DISP1: variants seen among roughly 807,000 people sequenced by gnomAD.
DISP1 encodes dispatched RND transporter family member 1.
Under a neutral mutation model 37.3 loss-of-function variants are expected in DISP1, and 30 were observed. The ratio of observed to expected loss-of-function variants is 0.80; its 90% confidence interval spans 0.60 to 1.09. The LOEUF (loss-of-function observed/expected upper bound fraction) is 1.09, where lower values mean the gene tolerates loss of function less well. Ranked by LOEUF, DISP1 falls within the 50% of genes least tolerant of loss-of-function variation. DISP1 has a pLI of 0.00. For missense variants in DISP1, 1,598 were observed against 1,879.5 expected, an observed-to-expected ratio of 0.85 and a Z score of 2.77; for synonymous variants, 634 against 690.2, an observed-to-expected ratio of 0.92 and a Z score of 1.28.
intron 1 of DISP1, among the ~76,000 whole-genome samples, chr1:222,907,930 C>T (rs536413557): frequency 5.9e-5 from 9 of 152,196 alleles, no homozygotes; most frequent in African/African-American, 2.2e-4. Flanking sequence ...GCTTGGGCAA[C>T]AGAGCAAGAC....
intron 3 of DISP1, 55 bp from the exon 4 acceptor site, chr1:222,983,025 G>C: frequency 7.6e-7 from 1 of 1,307,410 alleles, no homozygotes; most frequent in Non-Finnish European, 1.1e-6. Flanking sequence ...TTTATGTTAT[G>C]ATGTTTATGA....
intron 8 of DISP1, among the ~76,000 whole-genome samples, chr1:222,997,386 TC>T (rs1679150861): frequency 6.6e-6 from 1 of 152,130 alleles, no homozygotes; most frequent in South Asian, 2.1e-4. Context: ...GCCCAGCTTT[TC>T]CTCCTGCTAA....
intron 1 of DISP1, among the ~76,000 whole-genome samples, chr1:222,868,977 A>G (rs1669362087): frequency 6.6e-6 from 1 of 152,214 alleles, no homozygotes; most frequent in African/African-American, 2.4e-5. Flanking sequence ...TATTGTTTCC[A>G]TGCAAAAACA....
At chr1:222,965,199 A>G (rs1676385702) in intron 3 of DISP1, among the ~76,000 whole-genome samples, 1 of 152,118 alleles carries the variant, frequency 6.6e-6, no homozygotes, top group East Asian at 1.9e-4. Context: ...CTCTTTAACT[A>G]TGTGGCTTTG....
intron 1 of DISP1, among the ~76,000 whole-genome samples, chr1:222,869,136 G>A (rs1036795374): frequency 2.6e-5 from 4 of 152,152 alleles, no homozygotes; most frequent in African/African-American, 7.2e-5. Flanking sequence ...AGGCTCTTGA[G>A]CCTTCAATAA....
chr1:222,896,875 T>C (rs1248812779), intron 1 of DISP1, among the ~76,000 whole-genome samples: 3 of 152,162 alleles, frequency 2.0e-5, no homozygotes, highest in African/African-American at 7.2e-5. Flanking sequence ...CCAGAATGGC[T>C]AAAATGAAAA....
intron 1 of DISP1, among the ~76,000 whole-genome samples, chr1:222,821,226 GT>G (rs1662805329): frequency 6.6e-6 from 1 of 152,194 alleles, no homozygotes; most frequent in Non-Finnish European, 1.5e-5. Context: ...TTCAGATGGG[GT>G]TGGGAAGAGG....
At chr1:222,938,760 A>AAAGGAAGGAAGG (rs71564727) in intron 2 of DISP1, among the ~76,000 whole-genome samples, 18 of 104,604 alleles carry the variant, frequency 1.7e-4, no homozygotes, top group South Asian at 1.5e-3. Flanking sequence ...AAAAAAAAAA[A>AAAGGAAGGAAGG]AAGGAAGGAA....
chr1:222,852,550 T>C lies in DISP1; in HGVS notation c.-159+37472T>C, dbSNP rs1341254619. On this transcript the variant is annotated intron_variant, in intron 1 of 8. Transcript: ENST00000675850. ...CTAAAATCATCATTCACATGAATCATCATGACAGCCTGAAAAATGTAGAAC... is the reference window on the plus strand; with the variant it reads ...CTAAAATCATCATTCACATGAATCACCATGACAGCCTGAAAAATGTAGAAC... Among the ~76,000 whole-genome samples, 5 of 152,124 alleles carry C rather than the reference T, an allele frequency of 3.3e-5. No individual in the cohort carries two copies. In the South Asian group the frequency reaches 8.3e-4, roughly 25 times the overall value.
intron 3 of DISP1, among the ~76,000 whole-genome samples, chr1:222,944,163 T>G (rs921157247): frequency 6.6e-6 from 1 of 152,206 alleles, no homozygotes. Context: ...AAAGTAGCAA[T>G]TCCCTTCATA....
chr1:222,861,762 A>G (rs767301827), intron 1 of DISP1, among the ~76,000 whole-genome samples: 10 of 152,334 alleles, frequency 6.6e-5, no homozygotes, highest in Middle Eastern at 3.4e-3. Flanking sequence ...AGCAAGTTAT[A>G]CTTTTTTTCT....
chr1:222,839,373 A>G (rs1184152054), intron 1 of DISP1, among the ~76,000 whole-genome samples: 2 of 152,152 alleles, frequency 1.3e-5, no homozygotes, highest in Admixed American at 6.5e-5. Context: ...CTGTGGAAAA[A>G]TTGTTTTCCA....
At chr1:222,936,770 A>ATATATCATATATATGATATATATAAATTT (rs1558339672) in intron 2 of DISP1, among the ~76,000 whole-genome samples, 1 of 61,470 alleles carries the variant, frequency 1.6e-5, no homozygotes, top group Non-Finnish European at 3.4e-5. Context: ...TATAAAAATT[A>ATATATCATATATATGATATATATAAATTT]TATATATCAT....
rs530119696 is a variant in DISP1 at position 222,952,804 on chromosome 1, G to A, written c.509+9472G>A. On this transcript the variant is annotated intron_variant, in intron 3 of 8. Transcript: ENST00000675850. ...GGTGGTTGCAGTGAGCCGAGATCGC[G>A]CCACTGCACTCCAGCCTGGCGACAG... 4.5e-3 allele frequency among the ~76,000 whole-genome samples: 678 copies of A among 152,232 alleles called. 5 individuals carry two copies. Among genetic ancestry groups the A allele is most frequent in the African/African-American group, 0.015 (623 of 41,530 alleles).
intron 3 of DISP1, among the ~76,000 whole-genome samples, chr1:222,969,455 C>T (rs529847080): frequency 1.3e-5 from 2 of 149,382 alleles, no homozygotes; most frequent in South Asian, 4.3e-4. Context: ...TTGAAAAATA[C>T]CACAAACTAG....
At chr1:222,825,155 G>T (rs1664015809) in intron 1 of DISP1, among the ~76,000 whole-genome samples, 1 of 150,196 alleles carries the variant, frequency 6.7e-6, no homozygotes, top group South Asian at 2.1e-4. Context: ...GGAATGTGGG[G>T]GGGCAGTGGT....
chr1:222,975,156 G>A (rs1166136302), intron 3 of DISP1, among the ~76,000 whole-genome samples: 1 of 151,872 alleles, frequency 6.6e-6, no homozygotes, highest in Admixed American at 6.6e-5. Context: ...CTCCTGAGTA[G>A]CTGGGACTAC....
At chr1:222,847,069 G>T (rs1019393017) in intron 1 of DISP1, among the ~76,000 whole-genome samples, 1 of 152,062 alleles carries the variant, frequency 6.6e-6, no homozygotes, top group Non-Finnish European at 1.5e-5. Context: ...AGGATATTCT[G>T]TCGGTGTTTG....
At chr1:222,955,093 CT>C (rs4011733) in intron 3 of DISP1, among the ~76,000 whole-genome samples, 129 of 144,112 alleles carry the variant, frequency 9.0e-4, no homozygotes, top group Admixed American at 1.4e-3. Context: ...CATTTTAAAG[CT>C]TTTTTTTTTT....
Sources: gnomAD v4.1 joint callset for allele counts (sites outside exome capture counted in the v4.1 genomes callset) on GRCh38, gnomAD v4.1.1 for gene constraint, MANE v1.5 for transcripts, NCBI Gene and HGNC (gene_info 2026-07-23, HGNC 2026-07-21) for gene names.